NPAS3: variants seen among roughly 807,000 people sequenced by gnomAD.
NPAS3 encodes neuronal PAS domain protein 3, also known as neuronal PAS domain-containing protein 3.
NPAS3 carries 14 observed loss-of-function variants against 73.1 expected under a neutral mutation model. That is an observed-to-expected ratio of 0.19 (90% confidence interval 0.13 to 0.30). NPAS3 has a LOEUF of 0.30. Ranked by LOEUF, NPAS3 falls within the 10% of genes least tolerant of loss-of-function variation. NPAS3 has a pLI of 1.00. For missense variants in NPAS3, 1,096 were observed against 1,250.0 expected (o/e 0.88, Z 1.86); for synonymous variants, 620 against 541.5 (o/e 1.14, Z -2.01).
chr14:33,458,910 T>C (rs1057463802), intron 4 of NPAS3, among the ~76,000 whole-genome samples: 6 of 152,092 alleles, frequency 3.9e-5, no homozygotes, highest in African/African-American at 1.4e-4. Flanking sequence ...GGCAAGTCCA[T>C]AGAGTAAAGT....
intron 8 of NPAS3, among the ~76,000 whole-genome samples, chr14:33,777,156 C>G (rs143584555): frequency 1.6e-4 from 25 of 152,242 alleles, no homozygotes; most frequent in African/African-American, 5.3e-4. Flanking sequence ...TCAGAAACAC[C>G]AGTGAGGGAG....
rs2043030823 is a variant in NPAS3 at position 33,312,225 on chromosome 14, C to A, written c.386-54961C>A. 2.7e-5 allele frequency among the ~76,000 whole-genome samples: 4 copies of A among 149,698 alleles called. No homozygotes were observed. In the South Asian group the frequency reaches 8.3e-4, roughly 31 times the overall value. ...TTACTTACTATGGATATTGCTACTACTGGTATTTTTTTCTATTTATGTTTT... is the reference window on the plus strand; with the variant it reads ...TTACTTACTATGGATATTGCTACTAATGGTATTTTTTTCTATTTATGTTTT... On this transcript the variant is annotated intron_variant, in intron 3 of 11. Coordinates refer to ENST00000356141, the Ensembl canonical transcript of NPAS3.
At chr14:33,706,889 G>C (rs1267447805) in intron 6 of NPAS3, among the ~76,000 whole-genome samples, 1 of 152,132 alleles carries the variant, frequency 6.6e-6, no homozygotes, top group Non-Finnish European at 1.5e-5. Context: ...ACAAGAACTT[G>C]CCTGGGACAA....
intron 4 of NPAS3, among the ~76,000 whole-genome samples, chr14:33,430,744 A>G (rs183663172): frequency 6.6e-6 from 1 of 152,304 alleles, no homozygotes; most frequent in Non-Finnish European, 1.5e-5. Flanking sequence ...TCTCCCTGCA[A>G]ATTAAATTAT....
intron 4 of NPAS3, among the ~76,000 whole-genome samples, chr14:33,506,589 G>A (rs900810434): frequency 1.3e-5 from 2 of 152,038 alleles, no homozygotes; most frequent in East Asian, 1.9e-4. Context: ...CATCTTCTAC[G>A]AAATAAATCC....
At chr14:33,566,978 C>G (rs2055983304) in intron 5 of NPAS3, among the ~76,000 whole-genome samples, 1 of 152,306 alleles carries the variant, frequency 6.6e-6, no homozygotes, top group Admixed American at 6.5e-5. Context: ...TCTTCAGGAC[C>G]GTTGGTGTTT....
At chr14:33,452,331 T>C in intron 4 of NPAS3, among the ~76,000 whole-genome samples, 1 of 152,186 alleles carries the variant, frequency 6.6e-6, no homozygotes, top group Admixed American at 6.5e-5. Context: ...GTAATCATGG[T>C]GACAAACTGA....
intron 2 of NPAS3, among the ~76,000 whole-genome samples, chr14:33,112,926 C>T (rs936207830): frequency 1.3e-5 from 2 of 152,180 alleles, no homozygotes; most frequent in African/African-American, 2.4e-5. Context: ...AATAGGGAAT[C>T]CTTTCCCCAG....
chr14:33,560,063 T>A (rs2055566358), intron 4 of NPAS3, 58 bp from the exon 5 acceptor site: 2 of 720,730 alleles, frequency 2.8e-6, no homozygotes, highest in South Asian at 3.7e-5. Flanking sequence ...CCTTACTAAT[T>A]AAATCTGCAT....
At chr14:33,365,879 G>A (rs17490941) in intron 3 of NPAS3, among the ~76,000 whole-genome samples, 7,251 of 152,204 alleles carry the variant, frequency 0.048, 248 homozygotes, top group Middle Eastern at 0.13. Flanking sequence ...TACCCCAGCA[G>A]CATTTCACTG....
At chr14:33,256,777 C>T (rs921266667) in intron 3 of NPAS3, among the ~76,000 whole-genome samples, 1 of 151,908 alleles carries the variant, frequency 6.6e-6, no homozygotes, top group Admixed American at 6.6e-5. Flanking sequence ...CTATTTTTTC[C>T]AGCATAATCT....
At chr14:33,524,169 A>C (rs1338379956) in intron 4 of NPAS3, among the ~76,000 whole-genome samples, 1 of 152,174 alleles carries the variant, frequency 6.6e-6, no homozygotes, top group African/African-American at 2.4e-5. Context: ...ACACTGCTGA[A>C]AGTACTGCCC....
rs147671310 is a variant in NPAS3 at position 33,514,453 on chromosome 14, C to T, written c.469-45668C>T. Among the ~76,000 whole-genome samples, 194 of 152,082 alleles carry T rather than the reference C, an allele frequency of 1.3e-3. 3 individuals are homozygous for T. In the East Asian group the frequency reaches 0.029, roughly 23 times the overall value. On this transcript the variant is annotated intron_variant, in intron 4 of 11. Transcript: ENST00000356141. Reference sequence around the variant, plus strand: ...TTTGGATATATAACCTTTACCAAGACGATTGTGATGCCCAAATTGGTTGCG... The same window carrying T: ...TTTGGATATATAACCTTTACCAAGATGATTGTGATGCCCAAATTGGTTGCG...
chr14:33,332,287 T>G (rs1399333086), intron 3 of NPAS3, among the ~76,000 whole-genome samples: 1 of 152,222 alleles, frequency 6.6e-6, no homozygotes, highest in African/African-American at 2.4e-5. Flanking sequence ...CTCTCCATAA[T>G]GATACTTATC....
intron 6 of NPAS3, among the ~76,000 whole-genome samples, chr14:33,714,846 A>G (rs1439487645): frequency 2.0e-5 from 3 of 152,170 alleles, no homozygotes; most frequent in Non-Finnish European, 4.4e-5. Context: ...CTTAAAATGG[A>G]TGGGGTCTTA....
chr14:33,462,335 G>C (rs553747331), intron 4 of NPAS3, among the ~76,000 whole-genome samples: 2 of 152,124 alleles, frequency 1.3e-5, no homozygotes, highest in Non-Finnish European at 1.5e-5. Context: ...TCTGGTTCTC[G>C]TCTCCTTCTG....
At chr14:33,046,611 C>T (rs2040515785) in intron 1 of NPAS3, among the ~76,000 whole-genome samples, 1 of 152,116 alleles carries the variant, frequency 6.6e-6, no homozygotes, top group Non-Finnish European at 1.5e-5. Context: ...GAATCAAGGG[C>T]CAGTTCTATA....
At chr14:33,436,495 A>G (rs1026881108) in intron 4 of NPAS3, among the ~76,000 whole-genome samples, 9 of 152,166 alleles carry the variant, frequency 5.9e-5, no homozygotes, top group Admixed American at 2.0e-4. Context: ...TAAACCACAA[A>G]AAGTTCCTTC....
chr14:32,940,045 C>T (rs2035922702), intron 1 of NPAS3, among the ~76,000 whole-genome samples: 1 of 152,226 alleles, frequency 6.6e-6, no homozygotes, highest in Non-Finnish European at 1.5e-5. Context: ...ATCTTCCCCT[C>T]CTCTCCATAC....
Sources: allele counts gnomAD v4.1 joint callset (sites outside exome capture counted in the v4.1 genomes callset), GRCh38; gene constraint gnomAD v4.1.1; transcripts MANE v1.5; gene names NCBI Gene and HGNC (gene_info 2026-07-23, HGNC 2026-07-21).